The following PIEZO1 variants were observed in gnomAD, a reference collection of about 807,000 sequenced individuals.
PIEZO1 encodes piezo type mechanosensitive ion channel component 1 (Er blood group), also known as piezo-type mechanosensitive ion channel component 1.
Under a neutral mutation model 297.2 loss-of-function variants are expected in PIEZO1, and 296 were observed. That is an observed-to-expected ratio of 1.00 (90% CI 0.91 to 1.10). The LOEUF (loss-of-function observed/expected upper bound fraction) is 1.10. PIEZO1 is among the 50% of genes least tolerant of loss of function. PIEZO1 has a pLI of 0.00. For synonymous variants in PIEZO1, 2,427 were observed against 1,507.5 expected, an observed-to-expected ratio of 1.61 and a Z score of -14.13; for missense variants, 5,018 against 3,455.5, an observed-to-expected ratio of 1.45 and a Z score of -11.34.
At chr16:88,757,040 C>T (rs1011490959) in intron 1 of PIEZO1, among the ~76,000 whole-genome samples, 1 of 152,180 alleles carries the variant, frequency 6.6e-6, no homozygotes. Context: ...CAGGACACTG[C>T]ACTCCAGCCT....
At chr16:88,732,237 C>G (rs1904900833) in intron 21 of PIEZO1, 98 bp downstream of exon 21, 3 of 1,100,054 alleles carry the variant, frequency 2.7e-6, no homozygotes, top group African/African-American at 3.1e-5. Context: ...CCAGGCAAAC[C>G]CAGGTGGGGC....
intron 1 of PIEZO1, among the ~76,000 whole-genome samples, chr16:88,774,377 C>T (rs537600189): frequency 1.3e-5 from 2 of 152,260 alleles, no homozygotes; most frequent in South Asian, 2.1e-4. Flanking sequence ...GGCGACAGAG[C>T]GAGACTCTGT....
In PIEZO1 at chr16:88,716,736, G is replaced by A. The variant is rs1912067463; in HGVS notation, c.6754-5C>T. 1 of 1,548,130 alleles carries A rather than the reference G, an allele frequency of 6.5e-7. No individual in the cohort carries two copies. Among genetic ancestry groups the A allele is most frequent in the Non-Finnish European group, 8.7e-7 (1 of 1,146,812 alleles). ...GCTGATGAACTGCATGGCCAGCTGG[G>A]TACAAGTGACACCCTCAGTGACTGC... On this transcript the variant is annotated splice_region_variant and splice_polypyrimidine_tract_variant and intron_variant, in intron 46 of 50. Coordinates refer to ENST00000301015, the MANE Select transcript of PIEZO1 (RefSeq NM_001142864.4).
At position 88,726,286 on chromosome 16, in the gene PIEZO1, G is replaced by T; in HGVS notation, c.3966C>A (p.Ser1322=). Residue 1322 remains serine, a splice_region_variant and synonymous_variant, in exon 27 of 51, where the codon TCC becomes TCA. Coordinates refer to ENST00000301015, the MANE Select transcript of PIEZO1 (RefSeq NM_001142864.4). The stretch of plus-strand genomic sequence containing the variant: ...GCTGTGTCTGGGCCCAAGCTTGCCT[G>T]GAGGCTAGCAGGGCGGTGGCCTGGA... ...ADLQATALLA[S]RGFALYNAAN... is the part of the protein sequence containing the mutation. 6.5e-7 allele frequency: 1 copy of T among 1,547,106 alleles called. No individual in the cohort carries two copies.
At chr16:88,718,703 G>A (rs1488120533) in intron 44 of PIEZO1, 5 of 152,202 alleles carry the variant, frequency 3.3e-5, no homozygotes, top group Non-Finnish European at 7.3e-5. Flanking sequence ...AATGGGCACT[G>A]GGTTTCTTCT....
At position 88,732,785 on chromosome 16, in the gene PIEZO1, C is replaced by G. The variant is rs1053898674; in HGVS notation, c.2665-53G>C. 7.4e-6 allele frequency: 11 copies of G among 1,482,934 alleles called. No individual in the cohort carries two copies. In the South Asian group the frequency reaches 1.5e-4, roughly 20 times the overall value. 91.9% of individuals were successfully genotyped at this position (1,482,934 alleles called of 1,614,324 possible). A position where few individuals can be genotyped will look rare whatever the true frequency, so the allele number is the denominator to read the frequency against. On this transcript the variant is annotated intron_variant, in intron 19 of 50. Transcript: ENST00000301015. The stretch of plus-strand genomic sequence containing the variant: ...CCTCCCAGGCCACAGTGCCCCCTGG[C>G]CCTGCCCGGAGCCCACCACAGCCAC...
intron 2 of PIEZO1, among the ~76,000 whole-genome samples, chr16:88,746,264 C>A (rs1906051503): frequency 6.6e-6 from 1 of 152,070 alleles, no homozygotes; most frequent in Non-Finnish European, 1.5e-5. Context: ...GGTGGCAGGG[C>A]CTCCCTGCAC....
chr16:88,733,758 G>C lies in PIEZO1; in HGVS notation c.2330-13C>G. 1 of 1,535,468 alleles carries C rather than the reference G, an allele frequency of 6.5e-7. No homozygotes were observed. The highest frequency in any genetic ancestry group is 8.8e-7 in the Non-Finnish European group (1 of 1,138,838). On this transcript the variant is annotated splice_polypyrimidine_tract_variant and intron_variant, in intron 17 of 50. Transcript: ENST00000301015. The stretch of plus-strand genomic sequence containing the variant: ...CACTTGGCTGCCCCTGTGATGGTGT[G>C]AGGGTCAGTGCGGGGCACAAACGGG...
In PIEZO1 at chr16:88,751,889, C is replaced by T. The variant is rs994855134; in HGVS notation, c.65-2410G>A. 3.9e-5 allele frequency among the ~76,000 whole-genome samples: 6 copies of T among 152,298 alleles called. No individual in the cohort carries two copies. In the East Asian group the frequency reaches 7.7e-4, roughly 20 times the overall value. ...GCATCCGTCAGAGCAGAGGAGCTCA[C>T]GGTCTGACCTGCCAGGAACGTCCAA... On this transcript the variant is annotated intron_variant, in intron 1 of 50. Transcript: ENST00000301015.
chr16:88,716,833 C>G lies in PIEZO1; in HGVS notation c.6726G>C (p.Glu2242Asp). 2 of 1,550,148 alleles carry G rather than the reference C, an allele frequency of 1.3e-6. No individual in the cohort carries two copies. The highest frequency in any genetic ancestry group is 1.7e-6 in the Non-Finnish European group (2 of 1,146,956). ...IIPFTAQAYEELSRQFDPQPL... is the reference protein window; with the variant it reads ...IIPFTAQAYEDLSRQFDPQPL... Reference sequence around the variant, plus strand: ...GCTGGGGGTCAAACTGCCGGGACAGCTCCTCATAGGCCTGGGCCGTGAAGG... The same window carrying G: ...GCTGGGGGTCAAACTGCCGGGACAGGTCCTCATAGGCCTGGGCCGTGAAGG... Residue 2242 changes from glutamate (E) to aspartate (D), a missense_variant, in exon 46 of 51, where the codon GAG becomes GAC. Transcript: ENST00000301015.
intron 21 of PIEZO1, 31 bp from the exon 22 acceptor site, chr16:88,731,941 T>C (rs1311553813): frequency 7.5e-7 from 1 of 1,325,862 alleles, no homozygotes; most frequent in Non-Finnish European, 1.0e-6. Context: ...GGTGTGGGGA[T>C]GCACTGAGTC....
Position 88,736,285 on chromosome 16 carries a change from C to T in PIEZO1, c.1420G>A (p.Gly474Arg), listed in dbSNP as rs572018412. The change falls in exon 12 of 51, where the codon GGG (glycine) becomes AGG (arginine). Residue 474 changes from glycine to arginine, a missense_variant. Coordinates refer to ENST00000301015, the MANE Select transcript of PIEZO1 (RefSeq NM_001142864.4). ...TAGCGTAGGCAGCACAGCGTCATCC[C>T]ATACAGCAGGATGCAGGGCGAGCAC... ...MLCSPCILLY[G>R]MTLCCLRYVW... is the part of the protein sequence containing the mutation. 1.9e-6 allele frequency: 3 copies of T among 1,550,206 alleles called. No homozygotes were observed. Among genetic ancestry groups the T allele is most frequent in the Admixed American group, 3.9e-5 (2 of 51,000 alleles).
chr16:88,718,556 A>C (rs4433802), intron 44 of PIEZO1: 2 of 152,410 alleles, frequency 1.3e-5, no homozygotes, highest in East Asian at 1.9e-4. Flanking sequence ...CATGCTGAGC[A>C]AGGAAAGCTG....
At position 88,737,633 on chromosome 16, in the gene PIEZO1, G is replaced by A; in HGVS notation, c.1121C>T (p.Thr374Ile). The A allele has an allele frequency of 1.3e-6, 2 of 1,534,740 alleles. No individual in the cohort carries two copies. Among genetic ancestry groups the A allele is most frequent in the Admixed American group, 2.0e-5 (1 of 50,994 alleles). The change falls in exon 10 of 51, where the codon ACA (threonine) becomes ATA (isoleucine). Residue 374 changes from threonine to isoleucine, a missense_variant. Thr to Ile is a moderately conservative substitution (Grantham distance 89). Transcript: ENST00000301015. The part of the protein sequence containing the change: ...ERESDQHVVP[T>I]APDTEADNCI... ...GTTATCAGCCTCGGTGTCGGGTGCT[G>A]TGGGCACCACGTGCTGTGGGCAAGC...
chr16:88,722,490 T>A (rs1904287043), intron 35 of PIEZO1, 93 bp from the exon 36 acceptor site: 1 of 1,434,962 alleles, frequency 7.0e-7, no homozygotes. Context: ...CACGGTCCTT[T>A]GGGGTACAAG....
chr16:88,727,158 C>T lies in PIEZO1; in HGVS notation c.3336G>A (p.Gln1112=), dbSNP rs745860502. ...DFLLLLCASQ[Q]WQVFSAERTE... ...TGCGCTCAGCTGAGAACACCTGCCA[C>T]TGCTGGGAGGCGCACAGCAGCAGGA... Residue 1112 remains glutamine, a synonymous_variant, in exon 24 of 51, where the codon CAG becomes CAA. Transcript: ENST00000301015. 2.6e-5 allele frequency: 40 copies of T among 1,548,184 alleles called. No individual in the cohort carries two copies. Among genetic ancestry groups the T allele is most frequent in the Non-Finnish European group, 3.2e-5 (37 of 1,145,672 alleles).
chr16:88,781,240 A>C (rs1293535836), intron 1 of PIEZO1, among the ~76,000 whole-genome samples: 1 of 152,168 alleles, frequency 6.6e-6, no homozygotes, highest in East Asian at 1.9e-4. Context: ...ACCGCCCAGG[A>C]AGCTGCCTTG....
intron 35 of PIEZO1, 23 bp downstream of exon 35, chr16:88,722,560 G>A (rs778823051): frequency 1.8e-5 from 26 of 1,484,592 alleles, no homozygotes; most frequent in East Asian, 5.0e-5. Context: ...AGCAGCTGGG[G>A]CTCGGGTCAC....
chr16:88,722,921 C>T lies in PIEZO1; in HGVS notation c.4584G>A (p.Trp1528Ter). ...CGTGGTGCCGGGTGAACTCCTGCAG[C>T]CAGCGTGTCAGCTCATCCACTAGCG... ...GQALVDELTR[W>*]LQEFTRHHGT... The change falls in exon 34 of 51, where the codon TGG (tryptophan) becomes TGA (stop). Residue 1528 changes from tryptophan (W) to a stop codon, truncating the protein, a stop_gained. Coordinates refer to ENST00000301015, the MANE Select transcript of PIEZO1 (RefSeq NM_001142864.4). LOFTEE classifies it high-confidence loss of function. 1 of 1,549,444 alleles carries T rather than the reference C, an allele frequency of 6.5e-7. No individual in the cohort carries two copies. The highest frequency in any genetic ancestry group is 8.7e-7 in the Non-Finnish European group (1 of 1,146,806).
Sources: allele counts gnomAD v4.1 joint callset (sites outside exome capture counted in the v4.1 genomes callset), GRCh38; gene constraint gnomAD v4.1.1; transcripts MANE v1.5; gene names NCBI Gene and HGNC (gene_info 2026-07-23, HGNC 2026-07-21).